The following KCNJ1 variants were observed in gnomAD, a reference collection of about 807,000 sequenced individuals.
The protein encoded by KCNJ1 is ATP-sensitive inward rectifier potassium channel 1.
KCNJ1 carries 24 observed loss-of-function variants against 21.9 expected under a neutral mutation model. The observed-to-expected ratio is 1.10, with a 90% CI of 0.79 to 1.54. The LOEUF is 1.54. Among genes scored for constraint, KCNJ1 ranks in the 40% most tolerant of loss-of-function variants. The pLI is 0.00. For synonymous variants in KCNJ1, 152 were observed against 160.9 expected (o/e 0.94, Z 0.42); for missense variants, 457 against 455.4 (o/e 1.00, Z -0.03).
intron 2 of KCNJ1, among the ~76,000 whole-genome samples, chr11:128,849,024 G>A (rs756843740): frequency 2.6e-5 from 4 of 152,184 alleles, no homozygotes; most frequent in East Asian, 3.8e-4. Flanking sequence ...CCTGGAGCAC[G>A]ATGCCAGCGG....
rs535978182 is a variant in KCNJ1 at position 128,849,643 on chromosome 11, TATG to T, written c.-22+1075_-22+1077del. On this transcript the variant is annotated intron_variant, in intron 2 of 2. Transcript: ENST00000392666. ...GAGCCAGGCAGAGTTTAGAAATGGT[TATG>T]ATATCAACAGAATTAAGAAGCAGCC... Among the ~76,000 whole-genome samples, 8 of 152,266 alleles carry T rather than the reference TATG, an allele frequency of 5.3e-5. No homozygotes were observed. In the South Asian group the frequency reaches 1.5e-3, roughly 28 times the overall value.
Position 128,839,086 on chromosome 11 carries a change from C to CT in KCNJ1, c.*38dup. ...TCATAATGCTTCTAGGTACTAGGAG[C>CT]TTTAGAGACTTTGCTTTACTCCCGT... On this transcript the variant is annotated 3_prime_UTR_variant, in exon 3 of 3. Transcript: ENST00000392666. 6.3e-7 allele frequency: 1 copy of CT among 1,581,572 alleles called. No homozygotes were observed. The highest frequency in any genetic ancestry group is 8.7e-7 in the Non-Finnish European group (1 of 1,155,772).
At chr11:128,843,457 C>A (rs539464504) in intron 2 of KCNJ1, among the ~76,000 whole-genome samples, 94 of 152,256 alleles carry the variant, frequency 6.2e-4, no homozygotes, top group African/African-American at 2.2e-3. Flanking sequence ...GCCACTTTTT[C>A]TTTAGTGCCT....
At chr11:128,866,473 C>T in intron 1 of KCNJ1, 1 of 718,604 alleles carries the variant, frequency 1.4e-6, no homozygotes, top group Non-Finnish European at 1.7e-6. Context: ...TTTTAAGCGT[C>T]TATGCACCAA....
intron 2 of KCNJ1, among the ~76,000 whole-genome samples, chr11:128,840,910 C>T (rs1235200715): frequency 6.6e-6 from 1 of 152,202 alleles, no homozygotes; most frequent in Non-Finnish European, 1.5e-5. Context: ...AGGATGACAA[C>T]TAGAATATAG....
chr11:128,839,669 A>C lies in KCNJ1; in HGVS notation c.575T>G (p.Ile192Ser). Residue 192 changes from isoleucine to serine, a missense_variant, in exon 3 of 3, where the codon ATC (isoleucine) becomes AGC (serine). Ile to Ser is a moderately radical substitution (Grantham distance 142). Transcript: ENST00000392666. Reference sequence around the variant, plus strand: ...GCTCTTCCTGAGATTAGCCACTCGGATTAGGAGGCAAAGCTTCCCTCCCCG... The same window carrying C: ...GCTCTTCCTGAGATTAGCCACTCGGCTTAGGAGGCAAAGCTTCCCTCCCCG... ...SKRGGKLCLL[I>S]RVANLRKSLL... The C allele has an allele frequency of 1.9e-6, 3 of 1,613,466 alleles. No individual in the cohort carries two copies. Among genetic ancestry groups the C allele is most frequent in the Non-Finnish European group, 2.5e-6 (3 of 1,179,946 alleles).
intron 1 of KCNJ1, among the ~76,000 whole-genome samples, chr11:128,859,502 GCCTC>G (rs1943658571): frequency 6.6e-6 from 1 of 152,202 alleles, no homozygotes; most frequent in African/African-American, 2.4e-5. Flanking sequence ...TCCTGCCTCA[GCCTC>G]CCAAAGTGCT....
At chr11:128,841,270 A>G (rs1943277698) in intron 2 of KCNJ1, among the ~76,000 whole-genome samples, 1 of 152,238 alleles carries the variant, frequency 6.6e-6, no homozygotes, top group Admixed American at 6.5e-5. Context: ...AAGACAGACC[A>G]TACTTTATTC....
intron 1 of KCNJ1, among the ~76,000 whole-genome samples, chr11:128,864,939 C>A (rs1248655318): frequency 6.6e-6 from 1 of 152,032 alleles, no homozygotes; most frequent in East Asian, 1.9e-4. Flanking sequence ...TAAGATCTTA[C>A]CCCGGTTCTC....
At chr11:128,847,003 T>TC (rs1176385519) in intron 2 of KCNJ1, among the ~76,000 whole-genome samples, 3 of 151,956 alleles carry the variant, frequency 2.0e-5, no homozygotes, top group Admixed American at 1.3e-4. Context: ...TGGCCGAATA[T>TC]CCCCCCATCC....
intron 2 of KCNJ1, among the ~76,000 whole-genome samples, chr11:128,840,533 G>A (rs1049220924): frequency 6.6e-6 from 1 of 152,146 alleles, no homozygotes; most frequent in African/African-American, 2.4e-5. Context: ...ATATATTCAA[G>A]TGTTTCCTGA....
intron 1 of KCNJ1, among the ~76,000 whole-genome samples, chr11:128,851,104 C>T (rs1943471672): frequency 6.6e-6 from 1 of 152,162 alleles, no homozygotes; most frequent in South Asian, 2.1e-4. Flanking sequence ...CCTAACTAGC[C>T]CATTCTAGTT....
At chr11:128,853,754 C>T (rs1025016225) in intron 1 of KCNJ1, among the ~76,000 whole-genome samples, 1 of 152,262 alleles carries the variant, frequency 6.6e-6, no homozygotes, top group African/African-American at 2.4e-5. Context: ...TCTCAACCCA[C>T]TTCCCCATGC....
At chr11:128,852,943 C>T (rs575733727) in intron 1 of KCNJ1, among the ~76,000 whole-genome samples, 78 of 152,376 alleles carry the variant, frequency 5.1e-4, no homozygotes, top group African/African-American at 1.7e-3. Context: ...CTACAAAAGG[C>T]CTGCTGACGC....
intron 1 of KCNJ1, among the ~76,000 whole-genome samples, chr11:128,858,473 G>A (rs1163355745): frequency 1.3e-5 from 2 of 152,096 alleles, no homozygotes; most frequent in African/African-American, 4.8e-5. Flanking sequence ...ATGGAGGAAT[G>A]AATGAAAAAT....
chr11:128,860,786 G>T (rs1679818315), intron 1 of KCNJ1, among the ~76,000 whole-genome samples: 1 of 151,932 alleles, frequency 6.6e-6, no homozygotes, highest in African/African-American at 2.4e-5. Context: ...TGACCACAGA[G>T]GAAAGTGCCC....
At chr11:128,843,978 G>A (rs1260276762) in intron 2 of KCNJ1, among the ~76,000 whole-genome samples, 2 of 152,202 alleles carry the variant, frequency 1.3e-5, no homozygotes, top group Non-Finnish European at 2.9e-5. Context: ...GAGCACTCTG[G>A]GGAGCACCTA....
At chr11:128,857,266 A>T (rs1211478534) in intron 1 of KCNJ1, among the ~76,000 whole-genome samples, 1 of 152,132 alleles carries the variant, frequency 6.6e-6, no homozygotes, top group Non-Finnish European at 1.5e-5. Context: ...CTAAGGTAGC[A>T]CCCACTGCTC....
At chr11:128,840,349 G>T in intron 2 of KCNJ1, 85 bp from the exon 3 acceptor site, 1 of 1,281,648 alleles carries the variant, frequency 7.8e-7, no homozygotes. Context: ...ACCTAACTAC[G>T]AAAAGATCAT....
Sources: allele counts gnomAD v4.1 joint callset (sites outside exome capture counted in the v4.1 genomes callset), GRCh38; gene constraint gnomAD v4.1.1; transcripts MANE v1.5; gene names NCBI Gene and HGNC (gene_info 2026-07-23, HGNC 2026-07-21).